Variants in FGFR1 observed in about 807,000 individuals in gnomAD.
The protein encoded by FGFR1 is fibroblast growth factor receptor 1.
In FGFR1, 18 loss-of-function variants were observed where a neutral mutation model predicts 93.7. The observed-to-expected ratio is 0.19, with a 90% CI of 0.13 to 0.28. FGFR1 has a LOEUF of 0.28. Ranked by LOEUF, FGFR1 falls within the 10% of genes least tolerant of loss-of-function variation. The pLI, the probability that FGFR1 is intolerant of heterozygous loss-of-function variation, is 1.00. For missense variants in FGFR1, 731 were observed against 1,080.4 expected, an observed-to-expected ratio of 0.68 and a Z score of 4.53; for synonymous variants, 448 against 429.3, an observed-to-expected ratio of 1.04 and a Z score of -0.54.
chr8:38,433,821 T>C (rs1586449719), intron 2 of FGFR1, among the ~76,000 whole-genome samples: 2 of 152,210 alleles, frequency 1.3e-5, no homozygotes, highest in African/African-American at 4.8e-5. Flanking sequence ...TTAATGGTTT[T>C]TGTATATTCA....
At position 38,443,002 on chromosome 8, in the gene FGFR1, A is replaced by G. The variant is rs139313951; in HGVS notation, c.92-13054T>C. Among the ~76,000 whole-genome samples the G allele has an allele frequency of 2.6e-5, 4 of 152,334 alleles. No homozygotes were observed. In the East Asian group the frequency reaches 7.7e-4, roughly 29 times the overall value. ...GTTACTTTTTCTCCACCGTAAAGAA[A>G]TTCTCTTAAGGTTTCACACGATGAG... On this transcript the variant is annotated intron_variant, in intron 2 of 17. Coordinates refer to ENST00000447712, the MANE Select transcript of FGFR1 (RefSeq NM_023110.3).
intron 11 of FGFR1, 127 bp downstream of exon 11, chr8:38,417,743 C>A (rs1202520502): frequency 1.5e-6 from 2 of 1,366,550 alleles, no homozygotes; most frequent in African/African-American, 1.4e-5. Flanking sequence ...CCCAGGTAAC[C>A]CCAAGCAGGC....
In FGFR1 at chr8:38,412,468, T is replaced by C; in HGVS notation, c.*1160A>G. On this transcript the variant is annotated 3_prime_UTR_variant, in exon 18 of 18. Coordinates refer to ENST00000447712, the MANE Select transcript of FGFR1 (RefSeq NM_023110.3). ...ATCCATGGTCGATGGCTGCTGGGCCTTGACTCTCTGCCCAGCGCCTCTACT... is the reference window on the plus strand; with the variant it reads ...ATCCATGGTCGATGGCTGCTGGGCCCTGACTCTCTGCCCAGCGCCTCTACT... The C allele has an allele frequency of 4.4e-6, 1 of 229,640 alleles. No homozygotes were observed. Among genetic ancestry groups the C allele is most frequent in the East Asian group, 6.2e-5 (1 of 16,058 alleles). The allele number at this position is 229,640 out of a possible 1,614,324, so 14.2% of individuals were successfully genotyped here.
intron 2 of FGFR1, among the ~76,000 whole-genome samples, chr8:38,432,677 T>G (rs1823615481): frequency 6.6e-6 from 1 of 152,202 alleles, no homozygotes; most frequent in African/African-American, 2.4e-5. Flanking sequence ...AGTGCTGGCA[T>G]GAGCCATGGC....
In FGFR1 at chr8:38,452,148, G is replaced by A. The variant is rs148991264; in HGVS notation, c.91+5208C>T. Among the ~76,000 whole-genome samples the A allele has an allele frequency of 1.1e-3, 170 of 151,620 alleles. 2 individuals are homozygous for A. In the East Asian group the frequency reaches 0.016, roughly 15 times the overall value. ...CAGGAGCACTTGCAGACTGAGGGGC[G>A]TTGGTACTGCGCTCAGTGGGGAGGG... On this transcript the variant is annotated intron_variant, in intron 2 of 17. Coordinates refer to ENST00000447712, the MANE Select transcript of FGFR1 (RefSeq NM_023110.3).
chr8:38,438,968 C>T (rs539660939), intron 2 of FGFR1, among the ~76,000 whole-genome samples: 2 of 152,138 alleles, frequency 1.3e-5, no homozygotes, highest in African/African-American at 2.4e-5. Context: ...CCTGCCCCTG[C>T]GAGTCCAGCA....
intron 2 of FGFR1, among the ~76,000 whole-genome samples, chr8:38,455,453 G>A (rs1171358270): frequency 6.6e-6 from 1 of 152,002 alleles, no homozygotes; most frequent in Non-Finnish European, 1.5e-5. Flanking sequence ...ACTACGCCCG[G>A]CTAATTTTTT....
intron 6 of FGFR1, among the ~76,000 whole-genome samples, chr8:38,425,685 T>C (rs1309947651): frequency 6.6e-6 from 1 of 152,212 alleles, no homozygotes; most frequent in African/African-American, 2.4e-5. Flanking sequence ...TAGCAAGGTG[T>C]CTGACCTCTC....
rs1821895521 is a variant in FGFR1, at chr8:38,429,198, GAGCT to G, written c.358+480_358+483del. ...AGAGTGGCAAGTTCCCAAGTTCACA[GAGCT>G]CCAGGGCTCCCTGGCTGCCCTCGCA... On this transcript the variant is annotated intron_variant, in intron 3 of 17. Transcript: ENST00000447712. The surrounding 1 kb of genome is among the most constrained non-coding windows in gnomAD (Gnocchi z 4.4). 2 of 416,482 alleles carry G rather than the reference GAGCT, an allele frequency of 4.8e-6. No homozygotes were observed. Among genetic ancestry groups the G allele is most frequent in the Non-Finnish European group, 9.6e-6 (2 of 207,710 alleles). The allele number at this position is 416,482 out of a possible 1,614,324, so 25.8% of individuals were successfully genotyped here.
rs1368202701 is a variant in FGFR1 at position 38,434,186 on chromosome 8, T to A, written c.92-4238A>T. 2.0e-5 allele frequency among the ~76,000 whole-genome samples: 3 copies of A among 152,244 alleles called. 1 individual carries two copies. Among genetic ancestry groups the A allele is most frequent in the Non-Finnish European group, 4.4e-5 (3 of 68,054 alleles). ...ACAGATATTGGGTATAATGTTTCTT[T>A]CTTTTTTAAAAAATAAGTTAAAATT... On this transcript the variant is annotated intron_variant, in intron 2 of 17. Coordinates refer to ENST00000447712, the MANE Select transcript of FGFR1 (RefSeq NM_023110.3).
chr8:38,462,666 T>A (rs921816063), intron 1 of FGFR1, among the ~76,000 whole-genome samples: 1 of 151,756 alleles, frequency 6.6e-6, no homozygotes, highest in Non-Finnish European at 1.5e-5. Context: ...CAGGCTGGAG[T>A]TGCAGTGGCG....
At chr8:38,445,867 C>G (rs1829111695) in intron 2 of FGFR1, among the ~76,000 whole-genome samples, 1 of 152,044 alleles carries the variant, frequency 6.6e-6, no homozygotes, top group Non-Finnish European at 1.5e-5. Flanking sequence ...CATGACTACC[C>G]AAGTTTTGAA....
At chr8:38,447,011 G>T (rs1229779964) in intron 2 of FGFR1, among the ~76,000 whole-genome samples, 1 of 151,504 alleles carries the variant, frequency 6.6e-6, no homozygotes, top group African/African-American at 2.4e-5. Flanking sequence ...TCTAGGCTAG[G>T]GAACCTTGTT....
At chr8:38,457,302 C>A (rs1344474760) in intron 2 of FGFR1, 54 bp downstream of exon 2, 1 of 1,591,818 alleles carries the variant, frequency 6.3e-7, no homozygotes, top group Non-Finnish European at 8.6e-7. Context: ...TCCCTCCCAG[C>A]CCATCCTGTT....
rs557897454 is a variant in FGFR1, at chr8:38,440,575, CT to C, written c.92-10628del. ...CCGACCCAGGGGATTTGGAGAAGGG[CT>C]TTTTTTTTTTTTTTAAATTGAAGAA... On this transcript the variant is annotated intron_variant, in intron 2 of 17. Transcript: ENST00000447712. Among the ~76,000 whole-genome samples the C allele has an allele frequency of 8.4e-3, 1,157 of 137,444 alleles. No homozygotes were observed. Among genetic ancestry groups the C allele is most frequent in the Non-Finnish European group, 8.4e-3 (530 of 62,984 alleles). 90.2% of individuals were successfully genotyped at this position (137,444 alleles called of 152,430 possible). A position where few individuals can be genotyped will look rare whatever the true frequency, so the allele number is the denominator to read the frequency against.
chr8:38,429,246 C>T lies in FGFR1; in HGVS notation c.358+436G>A, dbSNP rs1205116111. ...CCTCGCACAGCTCCCTTGCGGTGCA[C>T]CTGGGTTCCTCTCCAGCAGAGCAGG... On this transcript the variant is annotated intron_variant, in intron 3 of 17. Coordinates refer to ENST00000447712, the MANE Select transcript of FGFR1 (RefSeq NM_023110.3). The surrounding 1 kb of genome is among the most constrained non-coding windows in gnomAD (Gnocchi z 4.4). 1 of 480,852 alleles carries T rather than the reference C, an allele frequency of 2.1e-6. No homozygotes were observed. The highest frequency in any genetic ancestry group is 6.3e-5 in the East Asian group (1 of 15,806). The allele number at this position is 480,852 out of a possible 1,614,324, so 29.8% of individuals were successfully genotyped here. A position where few individuals can be genotyped will look rare whatever the true frequency, so the allele number is the denominator to read the frequency against.
At chr8:38,456,224 AG>A (rs1167717558) in intron 2 of FGFR1, among the ~76,000 whole-genome samples, 1 of 152,196 alleles carries the variant, frequency 6.6e-6, no homozygotes, top group Non-Finnish European at 1.5e-5. Flanking sequence ...CTGTGTGACC[AG>A]CCACTGAGTC....
At chr8:38,454,645 T>G (rs1397842194) in intron 2 of FGFR1, among the ~76,000 whole-genome samples, 1 of 152,202 alleles carries the variant, frequency 6.6e-6, no homozygotes, top group East Asian at 1.9e-4. Context: ...CTCATCCTTC[T>G]GGCAGCAGCA....
intron 2 of FGFR1, among the ~76,000 whole-genome samples, chr8:38,442,503 C>G (rs913485426): frequency 6.6e-6 from 1 of 151,918 alleles, no homozygotes; most frequent in Non-Finnish European, 1.5e-5. Context: ...ACTTCCTGGT[C>G]TGGGTTCTGT....
Sources: allele counts gnomAD v4.1 joint callset (sites outside exome capture counted in the v4.1 genomes callset), GRCh38; gene constraint gnomAD v4.1.1; non-coding constraint Gnocchi (gnomAD v3.1); transcripts MANE v1.5; gene names NCBI Gene and HGNC (gene_info 2026-07-23, HGNC 2026-07-21).